Variants in TRIM44 observed in about 807,000 individuals in gnomAD.
TRIM44 encodes the protein tripartite motif-containing protein 44.
A neutral mutation model predicts 37.4 loss-of-function variants in TRIM44; 13 were observed. The observed-to-expected ratio is 0.35, with a 90% CI of 0.23 to 0.55. The LOEUF (loss-of-function observed/expected upper bound fraction) is 0.55, where lower values mean the gene tolerates loss of function less well. Ranked by LOEUF, TRIM44 falls within the 20% of genes least tolerant of loss-of-function variation. TRIM44 has a pLI of 0.89. For synonymous variants in TRIM44, 175 were observed against 157.2 expected (o/e 1.11, Z -0.85); for missense variants, 426 against 437.2 (o/e 0.97, Z 0.23).
At chr11:35,674,707 G>C (rs1851440129) in intron 1 of TRIM44, among the ~76,000 whole-genome samples, 1 of 152,000 alleles carries the variant, frequency 6.6e-6, no homozygotes, top group Non-Finnish European at 1.5e-5. Flanking sequence ...AATAATTTTG[G>C]AGCACTTATT....
chr11:35,806,145 A>G (rs928568668), intron 4 of TRIM44, among the ~76,000 whole-genome samples: 2 of 152,176 alleles, frequency 1.3e-5, no homozygotes, highest in Non-Finnish European at 2.9e-5. Context: ...AACTCAAGAA[A>G]GTAAGTTTTA....
At chr11:35,759,922 C>A (rs1852699250) in intron 4 of TRIM44, among the ~76,000 whole-genome samples, 1 of 152,228 alleles carries the variant, frequency 6.6e-6, no homozygotes, top group South Asian at 2.1e-4. Flanking sequence ...GGCTGTCTCC[C>A]AGTTAGGCTA....
At chr11:35,720,371 G>A (rs1852086147) in intron 2 of TRIM44, among the ~76,000 whole-genome samples, 1 of 150,340 alleles carries the variant, frequency 6.7e-6, no homozygotes, top group South Asian at 2.1e-4. Flanking sequence ...CTGTATATCA[G>A]TCTTCTATCC....
At chr11:35,796,007 C>T (rs1311333085) in intron 4 of TRIM44, among the ~76,000 whole-genome samples, 1 of 152,282 alleles carries the variant, frequency 6.6e-6, no homozygotes, top group Admixed American at 6.5e-5. Flanking sequence ...TTTCCAAGTA[C>T]GAACACCGAC....
At chr11:35,737,908 G>A (rs1011368809) in intron 4 of TRIM44, among the ~76,000 whole-genome samples, 4 of 152,116 alleles carry the variant, frequency 2.6e-5, no homozygotes, top group African/African-American at 9.7e-5. Flanking sequence ...GATGATGGGA[G>A]CCTAAATCAA....
At chr11:35,712,510 A>G (rs1851988082) in intron 2 of TRIM44, among the ~76,000 whole-genome samples, 1 of 152,148 alleles carries the variant, frequency 6.6e-6, no homozygotes, top group Non-Finnish European at 1.5e-5. Context: ...CACAGCACCA[A>G]TAGATTATAG....
At chr11:35,722,204 AC>A (rs376232897) in intron 2 of TRIM44, among the ~76,000 whole-genome samples, 64 of 152,258 alleles carry the variant, frequency 4.2e-4, no homozygotes, top group African/African-American at 1.4e-3. Context: ...GTGAAAATGG[AC>A]TTTTTGGGGA....
In TRIM44 at chr11:35,674,151, G is replaced by C. The variant is rs1851433461; in HGVS notation, c.669+10371G>C. 2.0e-5 allele frequency among the ~76,000 whole-genome samples: 3 copies of C among 152,094 alleles called. No individual in the cohort carries two copies. The South Asian group carries it at 6.2e-4, about 32-fold the overall frequency. ...CTTTAGTCTTGATACGGGGAGTAGA[G>C]ATGAGAATGGGGTAAGAAATGCAGA... On this transcript the variant is annotated intron_variant, in intron 1 of 4. Transcript: ENST00000299413.
chr11:35,663,083 C>G lies in TRIM44; in HGVS notation c.-29C>G, dbSNP rs112136832. 977 of 1,491,416 alleles carry G rather than the reference C, an allele frequency of 6.6e-4. 6 individuals carry two copies. In the African/African-American group the frequency reaches 9.8e-3, roughly 15 times the overall value. The allele number at this position is 1,491,416 out of a possible 1,614,324, so 92.4% of individuals were successfully genotyped here. ...AGGAAGGCGGCGAGCCCCGGGGCCC[C>G]GAGGCCTTGGCCGCGTCACAGCACC... is the stretch of plus-strand genomic sequence containing the variant. On this transcript the variant is annotated 5_prime_UTR_variant, in exon 1 of 5. Coordinates refer to ENST00000299413, the MANE Select transcript of TRIM44 (RefSeq NM_017583.6).
chr11:35,726,898 G>T (rs1017057667), intron 3 of TRIM44, among the ~76,000 whole-genome samples: 9 of 151,852 alleles, frequency 5.9e-5, no homozygotes, highest in Non-Finnish European at 1.3e-4. Context: ...AGTGGCTCAC[G>T]CCTGTAATCC....
intron 4 of TRIM44, among the ~76,000 whole-genome samples, chr11:35,796,750 G>A (rs1438773505): frequency 1.3e-5 from 2 of 152,110 alleles, no homozygotes; most frequent in East Asian, 3.9e-4. Context: ...GCAAAGAAAA[G>A]GAAAAACTTA....
At position 35,807,808 on chromosome 11, in the gene TRIM44, T is replaced by G. The variant is rs1253349236; in HGVS notation, c.*1423T>G. The G allele has an allele frequency of 6.6e-6, 1 of 152,204 alleles. No homozygotes were observed. Among genetic ancestry groups the G allele is most frequent in the East Asian group, 1.9e-4 (1 of 5,190 alleles). The allele number at this position is 152,204 out of a possible 1,614,324, so 9.4% of individuals were successfully genotyped here. A position where few individuals can be genotyped will look rare whatever the true frequency, so the allele number is the denominator to read the frequency against. ...ACTCTCCTCTACCTTTATGGTATTT[T>G]GGTGTTCACTTACGAAGCATACAAC... is the stretch of plus-strand genomic sequence containing the variant. On this transcript the variant is annotated 3_prime_UTR_variant, in exon 5 of 5. Coordinates refer to ENST00000299413, the MANE Select transcript of TRIM44 (RefSeq NM_017583.6).
Position 35,813,641 on chromosome 11 carries a change from T to G in TRIM44, c.*7256T>G, listed in dbSNP as rs548910006. 6.6e-6 allele frequency: 1 copy of G among 152,240 alleles called. No individual in the cohort carries two copies. The highest frequency in any genetic ancestry group is 2.1e-4 in the South Asian group (1 of 4,828). The allele number at this position is 152,240 out of a possible 1,614,324, so 9.4% of individuals were successfully genotyped here. A position where few individuals can be genotyped will look rare whatever the true frequency, so the allele number is the denominator to read the frequency against. On this transcript the variant is annotated 3_prime_UTR_variant, in exon 5 of 5. Transcript: ENST00000299413. ...AACAGTCTATACACATCTCAATCTT[T>G]AAGAGCCTCACTGTATCATGGGACA...
intron 4 of TRIM44, among the ~76,000 whole-genome samples, chr11:35,766,568 A>C (rs900816516): frequency 4.6e-5 from 7 of 152,218 alleles, no homozygotes; most frequent in African/African-American, 1.7e-4. Context: ...TCCAAAACAA[A>C]TTCTACTTCT....
intron 2 of TRIM44, among the ~76,000 whole-genome samples, chr11:35,724,064 C>T (rs2135514833): frequency 6.6e-6 from 1 of 152,288 alleles, no homozygotes; most frequent in African/African-American, 2.4e-5. Flanking sequence ...AGGAGAGCAC[C>T]TGCAGAGAGT....
chr11:35,671,482 T>C (rs985172533), intron 1 of TRIM44, among the ~76,000 whole-genome samples: 3 of 152,222 alleles, frequency 2.0e-5, no homozygotes, highest in African/African-American at 7.2e-5. Context: ...ATTATTAATA[T>C]AAGGAGGCTA....
chr11:35,699,985 G>T (rs1197132729), intron 2 of TRIM44, among the ~76,000 whole-genome samples: 1 of 152,126 alleles, frequency 6.6e-6, no homozygotes, highest in African/African-American at 2.4e-5. Flanking sequence ...CCATGCTCAT[G>T]GGTAGGAAGA....
At chr11:35,770,576 A>G (rs577262261) in intron 4 of TRIM44, among the ~76,000 whole-genome samples, 22 of 152,300 alleles carry the variant, frequency 1.4e-4, no homozygotes, top group African/African-American at 5.1e-4. Context: ...ACCTTTTAAT[A>G]ATAGCAATTC....
intron 4 of TRIM44, among the ~76,000 whole-genome samples, chr11:35,787,107 C>A (rs1853140534): frequency 6.6e-6 from 1 of 152,084 alleles, no homozygotes; most frequent in African/African-American, 2.4e-5. Flanking sequence ...TGTGGCTGAC[C>A]TCTGGGAAAG....
Sources: allele counts gnomAD v4.1 joint callset (sites outside exome capture counted in the v4.1 genomes callset), GRCh38; gene constraint gnomAD v4.1.1; transcripts MANE v1.5; gene names NCBI Gene and HGNC (gene_info 2026-07-23, HGNC 2026-07-21).